TEX26: variants seen among roughly 807,000 people sequenced by gnomAD.
The protein encoded by TEX26 is testis expressed 26.
In TEX26, 34 loss-of-function variants were observed where a neutral mutation model predicts 35.3. The ratio of observed to expected loss-of-function variants is 0.96; its 90% CI spans 0.73 to 1.28. The LOEUF (loss-of-function observed/expected upper bound fraction) is 1.28, where lower values mean the gene tolerates loss of function less well. Ranked by LOEUF, TEX26 falls within the 50% of genes most tolerant of loss-of-function variation. TEX26 has a pLI of 0.00. For missense variants in TEX26, 371 were observed against 330.1 expected, an observed-to-expected ratio of 1.12 and a Z score of -0.96; for synonymous variants, 136 against 111.8, an observed-to-expected ratio of 1.22 and a Z score of -1.36.
intron 2 of TEX26, among the ~76,000 whole-genome samples, chr13:30,941,410 T>C (rs1487256854): frequency 6.6e-6 from 1 of 152,204 alleles, no homozygotes; most frequent in Non-Finnish European, 1.5e-5. Flanking sequence ...CAAAAACAAA[T>C]AGATAACTTA....
chr13:30,947,200 T>C (rs1356518680), intron 2 of TEX26, among the ~76,000 whole-genome samples: 1 of 152,034 alleles, frequency 6.6e-6, no homozygotes, highest in South Asian at 2.1e-4. Context: ...AAAAAGAAAA[T>C]TTTTTTGCAA....
chr13:30,965,672 G>A (rs1239583469), intron 4 of TEX26, among the ~76,000 whole-genome samples: 2 of 152,022 alleles, frequency 1.3e-5, no homozygotes, highest in African/African-American at 2.4e-5. Flanking sequence ...AATAACAGTG[G>A]TGCTATCCAC....
chr13:30,970,808 G>A (rs1770862476), intron 6 of TEX26, among the ~76,000 whole-genome samples: 2 of 152,084 alleles, frequency 1.3e-5, no homozygotes, highest in East Asian at 1.9e-4. Flanking sequence ...TCCTCAAAGT[G>A]CTCTGGCAGC....
At chr13:30,953,348 T>G (rs1325559630) in intron 3 of TEX26, among the ~76,000 whole-genome samples, 8 of 152,202 alleles carry the variant, frequency 5.3e-5, no homozygotes, top group Admixed American at 5.2e-4. Flanking sequence ...TCTAAGAAAT[T>G]ATCTGACTAG....
At chr13:30,935,732 C>T (rs79427466) in intron 1 of TEX26, among the ~76,000 whole-genome samples, 98 of 152,304 alleles carry the variant, frequency 6.4e-4, no homozygotes, top group African/African-American at 2.2e-3. Context: ...AACACTTGAC[C>T]GGATGACCTG....
intron 6 of TEX26, among the ~76,000 whole-genome samples, chr13:30,974,131 A>AAAAAAATATATAT: frequency 3.2e-3 from 274 of 84,390 alleles, no homozygotes; most frequent in Non-Finnish European, 4.1e-3. Flanking sequence ...AAAAAAAAAA[A>AAAAAAATATATAT]ATATATATAT....
intron 2 of TEX26, among the ~76,000 whole-genome samples, chr13:30,942,507 C>A (rs1048340440): frequency 2.0e-5 from 3 of 152,012 alleles, no homozygotes; most frequent in Non-Finnish European, 2.9e-5. Flanking sequence ...TGTATAAAAG[C>A]ATTTTAGTTA....
chr13:30,957,896 A>T (rs1954197488), intron 4 of TEX26, among the ~76,000 whole-genome samples: 1 of 152,196 alleles, frequency 6.6e-6, no homozygotes, highest in Non-Finnish European at 1.5e-5. Context: ...GAGTAATAGG[A>T]GTCTGCCTTG....
chr13:30,960,654 A>G (rs542338958), intron 4 of TEX26, among the ~76,000 whole-genome samples: 20 of 152,348 alleles, frequency 1.3e-4, no homozygotes, highest in Admixed American at 5.9e-4. Context: ...TTTTAAAAAC[A>G]GCATTCTGCT....
At chr13:30,972,621 G>T (rs148066010) in intron 6 of TEX26, among the ~76,000 whole-genome samples, 6 of 152,214 alleles carry the variant, frequency 3.9e-5, no homozygotes, top group African/African-American at 1.4e-4. Flanking sequence ...TCACTTTGTT[G>T]TTGTTTTGTG....
chr13:30,959,284 T>G (rs1954251413), intron 4 of TEX26, among the ~76,000 whole-genome samples: 1 of 152,212 alleles, frequency 6.6e-6, no homozygotes. Context: ...CTACTCTTAT[T>G]CCTCATTGGC....
chr13:30,974,131 A>ATATATATAT (rs1555271792), intron 6 of TEX26, among the ~76,000 whole-genome samples: 2 of 84,430 alleles, frequency 2.4e-5, no homozygotes, highest in African/African-American at 9.5e-5. Flanking sequence ...AAAAAAAAAA[A>ATATATATAT]ATATATATAT....
chr13:30,950,494 T>C (rs985059677), intron 2 of TEX26, among the ~76,000 whole-genome samples: 2 of 152,200 alleles, frequency 1.3e-5, no homozygotes, highest in African/African-American at 4.8e-5. Context: ...GTCCCAGAGA[T>C]AAGATGATAA....
intron 1 of TEX26, among the ~76,000 whole-genome samples, chr13:30,934,172 G>A (rs1953178804): frequency 6.6e-6 from 1 of 152,210 alleles, no homozygotes; most frequent in African/African-American, 2.4e-5. Context: ...CCTTGAGACT[G>A]CAGTTTGATC....
At chr13:30,955,398 C>T (rs1954089815) in intron 3 of TEX26, among the ~76,000 whole-genome samples, 1 of 152,156 alleles carries the variant, frequency 6.6e-6, no homozygotes, top group African/African-American at 2.4e-5. Flanking sequence ...AAAATCCAGA[C>T]TTTGGGACCT....
Position 30,957,088 on chromosome 13 carries a change from T to G in TEX26, c.469+59T>G. ...CATGTGGTAGGCCCTGGAGTTGCAG[T>G]GGTCGGCAGCATGCGTGTGTTCTTC... On this transcript the variant is annotated intron_variant, in intron 4 of 6. Coordinates refer to ENST00000380473, the MANE Select transcript of TEX26 (RefSeq NM_152325.3). 4.5e-6 allele frequency: 7 copies of G among 1,549,132 alleles called. 1 individual carries two copies. In the South Asian group the frequency reaches 5.8e-5, roughly 13 times the overall value.
intron 2 of TEX26, 59 bp downstream of exon 2, chr13:30,939,837 A>G: frequency 4.8e-6 from 7 of 1,453,278 alleles, no homozygotes; most frequent in Middle Eastern, 1.7e-4. Context: ...CTTGTCTTTT[A>G]TGACTCAGAA....
At chr13:30,934,717 T>C (rs1953204236) in intron 1 of TEX26, among the ~76,000 whole-genome samples, 1 of 152,180 alleles carries the variant, frequency 6.6e-6, no homozygotes, top group African/African-American at 2.4e-5. Context: ...CTGCCCCTTC[T>C]GAGTTGGGAT....
At chr13:30,956,639 G>T (rs1954141926) in intron 3 of TEX26, among the ~76,000 whole-genome samples, 1 of 152,178 alleles carries the variant, frequency 6.6e-6, no homozygotes, top group African/African-American at 2.4e-5. Context: ...ACTCTTTGAA[G>T]TTTTCAATCT....
Sources: allele counts gnomAD v4.1 joint callset (sites outside exome capture counted in the v4.1 genomes callset), GRCh38; gene constraint gnomAD v4.1.1; transcripts MANE v1.5; gene names NCBI Gene and HGNC (gene_info 2026-07-23, HGNC 2026-07-21).